The following BPIFB3 variants were observed in gnomAD, a reference collection of about 807,000 sequenced individuals.
The protein encoded by BPIFB3 is BPI fold containing family B member 3.
In BPIFB3, 49 loss-of-function variants were observed where a neutral mutation model predicts 53.1. The ratio of observed to expected loss-of-function variants is 0.92; its 90% CI spans 0.73 to 1.17. The LOEUF is 1.17. Ranked by LOEUF, BPIFB3 falls within the 50% of genes most tolerant of loss-of-function variation. The pLI, the probability that BPIFB3 is intolerant of heterozygous loss-of-function variation, is 0.00. For synonymous variants in BPIFB3, 271 were observed against 269.6 expected, an observed-to-expected ratio of 1.01 and a Z score of -0.05; for missense variants, 628 against 592.5, an observed-to-expected ratio of 1.06 and a Z score of -0.62.
intron 9 of BPIFB3, among the ~76,000 whole-genome samples, chr20:33,068,281 C>T (rs2424937): frequency 0.1 from 15,447 of 152,252 alleles, 871 homozygotes; most frequent in Middle Eastern, 0.15. Context: ...CTTAGGAGTG[C>T]TGGCTGGTGC....
intron 8 of BPIFB3, among the ~76,000 whole-genome samples, chr20:33,066,324 T>C (rs2057098494): frequency 1.3e-5 from 2 of 152,192 alleles, no homozygotes; most frequent in African/African-American, 2.4e-5. Context: ...AGCCAGAAAC[T>C]GAAAAATTTA....
chr20:33,061,170 C>T (rs1053900518), intron 4 of BPIFB3, among the ~76,000 whole-genome samples: 4 of 152,258 alleles, frequency 2.6e-5, no homozygotes, highest in East Asian at 1.9e-4. Flanking sequence ...CCTGTCTCCA[C>T]GAGGGCCCTA....
rs902225446 is a variant in BPIFB3, at chr20:33,072,635, G to A, written c.1325-82G>A. On this transcript the variant is annotated intron_variant, in intron 13 of 14. Transcript: ENST00000375494. Reference sequence around the variant, plus strand: ...GCTGGCTAGTGAAAGTGATGGAATAGGGTCAGCAGGGTCCGAGGGTTCCTA... The same window carrying A: ...GCTGGCTAGTGAAAGTGATGGAATAAGGTCAGCAGGGTCCGAGGGTTCCTA... The A allele has an allele frequency of 2.4e-5, 28 of 1,155,918 alleles. No individual in the cohort carries two copies. In the African/African-American group the frequency reaches 4.2e-4, roughly 17 times the overall value. The allele number at this position is 1,155,918 out of a possible 1,614,324, so 71.6% of individuals were successfully genotyped here.
upstream of BPIFB3, among the ~76,000 whole-genome samples, chr20:33,054,654 G>A (rs181759003): frequency 2.0e-3 from 311 of 152,278 alleles, no homozygotes; most frequent in African/African-American, 7.4e-3. Flanking sequence ...GGGATTTTGT[G>A]GGTAATGGCA....
chr20:33,073,250 G>A (rs1263213254), intron 14 of BPIFB3, among the ~76,000 whole-genome samples: 1 of 152,146 alleles, frequency 6.6e-6, no homozygotes, highest in African/African-American at 2.4e-5. Context: ...TTTGGGTGGT[G>A]GAATAGCTCT....
exon 8 of BPIFB3, chr20:33,064,696 A>T: frequency 1.2e-6 from 2 of 1,613,876 alleles, no homozygotes; most frequent in Non-Finnish European, 1.7e-6. Flanking sequence ...TGGTGATATC[A>T]TTGACTTCCC....
rs775838413 is a variant in BPIFB3, at chr20:33,068,754, A to ACTGT, written c.979-46_979-45insTCTG. On this transcript the variant is annotated intron_variant, in intron 9 of 14. Transcript: ENST00000375494. ...TTAGTGAGTGTTTGCTGACTGACTG[A>ACTGT]CTGATTGTAGTCCTGGGGCATCTAA... is the stretch of plus-strand genomic sequence containing the variant. The ACTGT allele has an allele frequency of 4.4e-6, 7 of 1,575,068 alleles. No homozygotes were observed. The East Asian group carries it at 1.6e-4, about 35-fold the overall frequency.
At chr20:33,058,891 G>C (rs965602454) in intron 2 of BPIFB3, among the ~76,000 whole-genome samples, 2 of 152,082 alleles carry the variant, frequency 1.3e-5, no homozygotes, top group Non-Finnish European at 2.9e-5. Context: ...AGGGAAGTGT[G>C]TTCCAGACAG....
chr20:33,072,671 G>A, intron 13 of BPIFB3, 46 bp from the exon 15 acceptor site: 1 of 1,538,564 alleles, frequency 6.5e-7, no homozygotes, highest in Middle Eastern at 1.7e-4. Flanking sequence ...GGGTCCAAGA[G>A]CTCCCCACCA....
At chr20:33,058,588 G>A (rs1228645197) in intron 2 of BPIFB3, among the ~76,000 whole-genome samples, 2 of 152,026 alleles carry the variant, frequency 1.3e-5, no homozygotes, top group Admixed American at 6.6e-5. Flanking sequence ...TATTATTAAT[G>A]CAATATTTAC....
Position 33,067,016 on chromosome 20 carries a change from T to G in BPIFB3, c.978+139T>G, listed in dbSNP as rs926723441. On this transcript the variant is annotated intron_variant, in intron 9 of 14. Transcript: ENST00000375494. ...GTCCAAATTCACACTAAAGTGTGAA[T>G]GACTAACACGACATCCTTTCCTGAT... 1.3e-5 allele frequency: 11 copies of G among 847,192 alleles called. No homozygotes were observed. The African/African-American group carries it at 1.5e-4, about 12-fold the overall frequency. 52.5% of individuals were successfully genotyped at this position (847,192 alleles called of 1,614,324 possible).
At chr20:33,058,835 G>A (rs1980322312) in intron 2 of BPIFB3, among the ~76,000 whole-genome samples, 2 of 152,026 alleles carry the variant, frequency 1.3e-5, no homozygotes, top group Non-Finnish European at 2.9e-5. Flanking sequence ...CGTGAACTGG[G>A]AGGAGTCAGC....
chr20:33,057,252 G>T (rs1980248256), intron 2 of BPIFB3, among the ~76,000 whole-genome samples: 1 of 151,960 alleles, frequency 6.6e-6, no homozygotes, highest in African/African-American at 2.4e-5. Flanking sequence ...GCAGTGGCAT[G>T]ATCTCGGCTC....
intron 13 of BPIFB3, 67 bp from the exon 15 acceptor site, chr20:33,072,650 G>A (rs1225138102): frequency 1.3e-5 from 18 of 1,376,970 alleles, no homozygotes; most frequent in African/African-American, 4.3e-5. Context: ...AGCAGGGTCC[G>A]AGGGTTCCTA....
At chr20:33,071,643 TC>T (rs1463349053) in intron 12 of BPIFB3, among the ~76,000 whole-genome samples, 1 of 152,144 alleles carries the variant, frequency 6.6e-6, no homozygotes, top group Non-Finnish European at 1.5e-5. Flanking sequence ...CTCAGCAAGT[TC>T]CATTTCAGAG....
intron 5 of BPIFB3, 26 bp downstream of exon 6, chr20:33,061,857 A>T: frequency 1.2e-6 from 2 of 1,612,804 alleles, no homozygotes; most frequent in East Asian, 2.2e-5. Context: ...GTGTGCCAGC[A>T]TGCCCTCTCC....
At chr20:33,065,848 G>A (rs1417929359) in intron 8 of BPIFB3, among the ~76,000 whole-genome samples, 1 of 152,160 alleles carries the variant, frequency 6.6e-6, no homozygotes. Flanking sequence ...TTGCAAGTGG[G>A]GTCCAGACAG....
chr20:33,073,540 C>T, intron 14 of BPIFB3, 36 bp from the exon 16 acceptor site: 1 of 1,613,374 alleles, frequency 6.2e-7, no homozygotes, highest in Non-Finnish European at 8.5e-7. Flanking sequence ...ATTGCAGAGA[C>T]TCAGGGGTGT....
chr20:33,062,946 G>A lies in BPIFB3; in HGVS notation c.592-669G>A, dbSNP rs150411183. ...CTCTTTTGTCTCTCTGAATACAGCT[G>A]TGACCTTGGACAGGCCACCTTCTTC... On this transcript the variant is annotated intron_variant, in intron 5 of 14. Transcript: ENST00000375494. 3.4e-3 allele frequency among the ~76,000 whole-genome samples: 513 copies of A among 152,332 alleles called. 1 individual carries two copies. Among genetic ancestry groups the A allele is most frequent in the Non-Finnish European group, 6.2e-3 (425 of 68,024 alleles).
Sources: gnomAD v4.1 joint callset for allele counts (sites outside exome capture counted in the v4.1 genomes callset) on GRCh38, gnomAD v4.1.1 for gene constraint, MANE v1.5 for transcripts, NCBI Gene and HGNC (gene_info 2026-07-23, HGNC 2026-07-21) for gene names.